ADGRV1: variants seen among roughly 807,000 people sequenced by gnomAD.
ADGRV1 encodes adhesion G protein-coupled receptor V1, also known as G-protein coupled receptor 98.
Under a neutral mutation model 596.2 loss-of-function variants are expected in ADGRV1, and 359 were observed. The observed-to-expected ratio is 0.60, with a 90% CI of 0.55 to 0.66. The LOEUF (loss-of-function observed/expected upper bound fraction) is 0.66. Ranked by LOEUF, ADGRV1 falls within the 30% of genes least tolerant of loss-of-function variation. ADGRV1 has a pLI of 0.00. For synonymous variants in ADGRV1, 2,681 were observed against 2,679.2 expected (o/e 1.00, Z -0.02); for missense variants, 7,274 against 7,575.6 (o/e 0.96, Z 1.48).
At chr5:91,125,330 A>G (rs1415770672) in intron 87 of ADGRV1, among the ~76,000 whole-genome samples, 2 of 152,186 alleles carry the variant, frequency 1.3e-5, no homozygotes, top group Non-Finnish European at 2.9e-5. Flanking sequence ...TAGGTCATGC[A>G]TTATAATATC....
intron 31 of ADGRV1, 159 bp downstream of exon 31, chr5:90,691,200 A>G: frequency 2.1e-6 from 2 of 936,138 alleles, no homozygotes; most frequent in Middle Eastern, 4.4e-4. Flanking sequence ...CTTACAGTTG[A>G]CAAAAGCAGG....
At chr5:90,745,515 T>C in intron 51 of ADGRV1, 76 bp from the exon 52 acceptor site, 1 of 977,216 alleles carries the variant, frequency 1.0e-6, no homozygotes, top group East Asian at 2.4e-5. Context: ...TATCAATTAA[T>C]GTAATGAGTA....
rs748965464 is a variant in ADGRV1 at position 91,072,621 on chromosome 5, A to G, written c.18310+17A>G. 6.2e-6 allele frequency: 10 copies of G among 1,603,990 alleles called. No individual in the cohort carries two copies. Among genetic ancestry groups the G allele is most frequent in the Non-Finnish European group, 8.5e-6 (10 of 1,174,480 alleles). On this transcript the variant is annotated intron_variant, in intron 86 of 89. Coordinates refer to ENST00000405460, the MANE Select transcript of ADGRV1 (RefSeq NM_032119.4). ...ATGCTGCAGGTTTGAAAGGAACTAT[A>G]TTTGTACTTTGGAGATGGAAACGCT... is the stretch of plus-strand genomic sequence containing the variant.
intron 75 of ADGRV1, among the ~76,000 whole-genome samples, chr5:90,818,008 A>G (rs1385418399): frequency 6.6e-6 from 1 of 152,024 alleles, no homozygotes; most frequent in Admixed American, 6.6e-5. Context: ...CTTGGGCACT[A>G]TGGCCATTTT....
Position 90,817,659 on chromosome 5 carries a change from G to A in ADGRV1, c.16196+1923G>A, listed in dbSNP as rs1168457658. Among the ~76,000 whole-genome samples, 15 of 152,010 alleles carry A rather than the reference G, an allele frequency of 9.9e-5. No individual in the cohort carries two copies. In the East Asian group the frequency reaches 1.4e-3, roughly 14 times the overall value. On this transcript the variant is annotated intron_variant, in intron 75 of 89. Transcript: ENST00000405460. ...CTAGCCAGTTTTCCCAGCACCATTT[G>A]TTAAATAGGGAATCCTTTCCCCATT...
chr5:91,105,944 A>G (rs1234629730), intron 87 of ADGRV1, among the ~76,000 whole-genome samples: 3 of 149,592 alleles, frequency 2.0e-5, no homozygotes, highest in African/African-American at 7.3e-5. Flanking sequence ...ATATTTATAA[A>G]CCTTTTATTT....
chr5:91,003,248 C>T (rs970540334), intron 85 of ADGRV1, among the ~76,000 whole-genome samples: 25 of 152,132 alleles, frequency 1.6e-4, no homozygotes, highest in African/African-American at 5.6e-4. Flanking sequence ...AGAAATCCTG[C>T]GCCTTTTAAT....
chr5:90,611,204 A>G (rs533041905), intron 1 of ADGRV1, among the ~76,000 whole-genome samples: 2 of 152,108 alleles, frequency 1.3e-5, no homozygotes, highest in South Asian at 4.1e-4. Context: ...TTTACATTGT[A>G]AGAGCTGGTC....
chr5:90,896,267 G>GT (rs547252109), intron 83 of ADGRV1, among the ~76,000 whole-genome samples: 37,080 of 84,774 alleles, frequency 0.44, 12,052 homozygotes, highest in Non-Finnish European at 0.5. Flanking sequence ...GTGACCAGTG[G>GT]TTTTTTTTTT....
rs1433403309 is a variant in ADGRV1, at chr5:90,842,633, G to A, written c.17019+1648G>A. Among the ~76,000 whole-genome samples, 3 of 151,926 alleles carry A rather than the reference G, an allele frequency of 2.0e-5. No individual in the cohort carries two copies. The East Asian group carries it at 5.8e-4, about 29-fold the overall frequency. On this transcript the variant is annotated intron_variant, in intron 78 of 89. Transcript: ENST00000405460. Reference sequence around the variant, plus strand: ...TTTGGGAGGCTGAGGCAGGAGAATCGCTTGAACCCAGGAGGTGGAGGTTGC... The same window carrying A: ...TTTGGGAGGCTGAGGCAGGAGAATCACTTGAACCCAGGAGGTGGAGGTTGC...
intron 83 of ADGRV1, among the ~76,000 whole-genome samples, chr5:90,961,122 A>G (rs962727633): frequency 6.6e-6 from 1 of 152,082 alleles, no homozygotes; most frequent in African/African-American, 2.4e-5. Context: ...CGATAACAAA[A>G]TGCTCCCACT....
chr5:91,006,389 T>C (rs1173177741), intron 85 of ADGRV1, among the ~76,000 whole-genome samples: 1 of 152,172 alleles, frequency 6.6e-6, no homozygotes, highest in Non-Finnish European at 1.5e-5. Flanking sequence ...TCACAACATA[T>C]TGTGTACTTA....
At chr5:90,635,008 G>A (rs779394247) in intron 9 of ADGRV1, 106 bp from the exon 10 acceptor site, 7 of 641,288 alleles carry the variant, frequency 1.1e-5, no homozygotes, top group Non-Finnish European at 1.9e-5. Flanking sequence ...CGAAGTTATT[G>A]GTGACCTCTA....
At chr5:90,585,689 A>G (rs1172261122) in intron 1 of ADGRV1, among the ~76,000 whole-genome samples, 2 of 152,216 alleles carry the variant, frequency 1.3e-5, no homozygotes, top group East Asian at 3.9e-4. Flanking sequence ...AGAAGCTGAA[A>G]TTGAAGGAGA....
chr5:90,599,045 GA>G (rs1211484204), intron 1 of ADGRV1, among the ~76,000 whole-genome samples: 1 of 152,014 alleles, frequency 6.6e-6, no homozygotes, highest in Non-Finnish European at 1.5e-5. Flanking sequence ...TTTAATTTTG[GA>G]ATATGTGTAG....
chr5:91,026,701 G>T lies in ADGRV1; in HGVS notation c.18152+41179G>T, dbSNP rs144470089. ...GAGGAGTGCCAAAAAGACCTGGCAG[G>T]TAACAAAAGTTGGTAACACTGAGGG... On this transcript the variant is annotated intron_variant, in intron 85 of 89. Transcript: ENST00000405460. 2.6e-5 allele frequency among the ~76,000 whole-genome samples: 4 copies of T among 152,218 alleles called. No individual in the cohort carries two copies. In the East Asian group the frequency reaches 5.8e-4, roughly 22 times the overall value.
At chr5:90,738,579 G>C (rs1328829913) in intron 50 of ADGRV1, among the ~76,000 whole-genome samples, 1 of 151,998 alleles carries the variant, frequency 6.6e-6, no homozygotes, top group African/African-American at 2.4e-5. Flanking sequence ...CCTGAGTAAA[G>C]TATTCTTGGT....
intron 71 of ADGRV1, among the ~76,000 whole-genome samples, chr5:90,803,324 T>C (rs1761581089): frequency 6.6e-6 from 1 of 152,200 alleles, no homozygotes; most frequent in Non-Finnish European, 1.5e-5. Flanking sequence ...CTGTCTGAGG[T>C]CGTTGTAGGA....
intron 83 of ADGRV1, among the ~76,000 whole-genome samples, chr5:90,876,515 C>A: frequency 6.6e-6 from 1 of 152,110 alleles, no homozygotes; most frequent in East Asian, 1.9e-4. Flanking sequence ...AGTGTTTTAC[C>A]ATTTATTGTT....
Sources: gnomAD v4.1 joint callset for allele counts (sites outside exome capture counted in the v4.1 genomes callset) on GRCh38, gnomAD v4.1.1 for gene constraint, MANE v1.5 for transcripts, NCBI Gene and HGNC (gene_info 2026-07-23, HGNC 2026-07-21) for gene names.